The following PABPC1L variants were observed in gnomAD, a reference collection of about 807,000 sequenced individuals.
PABPC1L encodes poly(A) binding protein cytoplasmic 1 like, also known as polyadenylate-binding protein 1-like.
A neutral mutation model predicts 66.6 loss-of-function variants in PABPC1L; 31 were observed. The ratio of observed to expected loss-of-function variants is 0.47; its 90% CI spans 0.35 to 0.63. The LOEUF (loss-of-function observed/expected upper bound fraction) is 0.63. Ranked by LOEUF, PABPC1L falls within the 20% of genes least tolerant of loss-of-function variation. The pLI, the probability that PABPC1L is intolerant of heterozygous loss-of-function variation, is 0.00. For synonymous variants in PABPC1L, 348 were observed against 335.1 expected (o/e 1.04, Z -0.42); for missense variants, 722 against 848.8 (o/e 0.85, Z 1.86).
intron 6 of PABPC1L, 96 bp downstream of exon 6, chr20:44,921,827 T>C (rs1309294891): frequency 6.4e-7 from 1 of 1,561,380 alleles, no homozygotes; most frequent in Non-Finnish European, 8.6e-7. Context: ...TGATCCTACT[T>C]CTGGGCACTT....
At chr20:44,911,275 C>T (rs907340643) in intron 1 of PABPC1L, among the ~76,000 whole-genome samples, 1 of 152,080 alleles carries the variant, frequency 6.6e-6, no homozygotes, top group Non-Finnish European at 1.5e-5. Flanking sequence ...ACCAGCCTGG[C>T]CAACATAGCG....
At position 44,937,859 on chromosome 20, in the gene PABPC1L, C is replaced by T. The variant is rs181740103; in HGVS notation, c.1661-202C>T. On this transcript the variant is annotated intron_variant, in intron 12 of 14. Coordinates refer to ENST00000217073, the MANE Select transcript of PABPC1L (RefSeq NM_001372179.1). ...TCCTGGCTGGGCCCTGGACACATTG[C>T]TGAGATGGGCTGACCACCAATACCA... is the stretch of plus-strand genomic sequence containing the variant. 1.6e-4 allele frequency: 109 copies of T among 668,902 alleles called. No individual in the cohort carries two copies. In the East Asian group the frequency reaches 2.8e-3, roughly 17 times the overall value. 41.4% of individuals were successfully genotyped at this position (668,902 alleles called of 1,614,324 possible).
chr20:44,910,765 G>A (rs2066698849), intron 1 of PABPC1L, among the ~76,000 whole-genome samples: 1 of 152,198 alleles, frequency 6.6e-6, no homozygotes, highest in Non-Finnish European at 1.5e-5. Context: ...GATGCCCAAG[G>A]CAACACAGCT....
At chr20:44,929,744 G>A (rs2066836930) in intron 7 of PABPC1L, among the ~76,000 whole-genome samples, 1 of 150,696 alleles carries the variant, frequency 6.6e-6, no homozygotes, top group African/African-American at 2.5e-5. Context: ...GCAGTTAGCC[G>A]AGATCGTGCC....
intron 7 of PABPC1L, among the ~76,000 whole-genome samples, chr20:44,927,495 C>T (rs2066818217): frequency 6.6e-6 from 1 of 151,830 alleles, no homozygotes; most frequent in African/African-American, 2.4e-5. Flanking sequence ...TTACAGGCGC[C>T]TCTCACCATG....
chr20:44,937,274 C>A (rs1422906126), intron 12 of PABPC1L: 1 of 305,376 alleles, frequency 3.3e-6, no homozygotes, highest in Non-Finnish European at 6.5e-6. Context: ...TGAACACAAG[C>A]TTGTTCCTGG....
At chr20:44,922,229 C>A (rs1044532338) in intron 6 of PABPC1L, among the ~76,000 whole-genome samples, 12 of 151,952 alleles carry the variant, frequency 7.9e-5, no homozygotes, top group African/African-American at 2.7e-4. Context: ...GGAAGTGAAC[C>A]CCTCTAAGAT....
intron 13 of PABPC1L, 22 bp from the exon 14 acceptor site, chr20:44,938,652 C>T (rs2066920191): frequency 1.9e-6 from 3 of 1,591,418 alleles, no homozygotes; most frequent in East Asian, 2.3e-5. Context: ...CACTAAGCCC[C>T]CCCGCCACTC....
chr20:44,933,376 A>G (rs1400065261), intron 10 of PABPC1L, among the ~76,000 whole-genome samples, 191 bp downstream of exon 10: 3 of 152,190 alleles, frequency 2.0e-5, no homozygotes, highest in East Asian at 1.9e-4. Context: ...GCTGACTACT[A>G]TATCTGTCAC....
At chr20:44,931,050 CTTCCCT>C (rs2066852680) in intron 8 of PABPC1L, among the ~76,000 whole-genome samples, 1 of 13,546 alleles carries the variant, frequency 7.4e-5, no homozygotes, top group Non-Finnish European at 1.8e-4. Context: ...CCTCCCTTCC[CTTCCCT>C]TCCCTTCCCT....
intron 10 of PABPC1L, 23 bp from the exon 11 acceptor site, chr20:44,935,368 T>TTTTGTTTTG: frequency 6.3e-7 from 1 of 1,590,662 alleles, no homozygotes; most frequent in South Asian, 1.1e-5. Flanking sequence ...GCTTTTTTTG[T>TTTTGTTTTG]TTTGTTTTGT....
rs141873059 is a variant in PABPC1L, at chr20:44,935,312, G to T, written c.1460-79G>T. 4.4e-4 allele frequency: 452 copies of T among 1,016,390 alleles called. 1 individual carries two copies. The African/African-American group carries it at 6.6e-3, about 15-fold the overall frequency. 63.0% of individuals were successfully genotyped at this position (1,016,390 alleles called of 1,614,324 possible). The stretch of plus-strand genomic sequence containing the variant: ...AACGCTTGTTATTTTCTGTTTTGGT[G>T]TTGTTTTGTTTTGTTTTGTTTTTGG... On this transcript the variant is annotated intron_variant, in intron 10 of 14. Coordinates refer to ENST00000217073, the MANE Select transcript of PABPC1L (RefSeq NM_001372179.1).
intron 6 of PABPC1L, among the ~76,000 whole-genome samples, chr20:44,922,389 C>T (rs918155024): frequency 6.6e-6 from 1 of 152,138 alleles, no homozygotes; most frequent in Non-Finnish European, 1.5e-5. Flanking sequence ...AGGTGCGTGC[C>T]ACCATGCCCG....
At position 44,932,402 on chromosome 20, in the gene PABPC1L, A is replaced by G. The variant is rs2066867512; in HGVS notation, c.1300A>G (p.Arg434Gly). 6.2e-7 allele frequency: 1 copy of G among 1,613,554 alleles called. No individual in the cohort carries two copies. Among genetic ancestry groups the G allele is most frequent in the South Asian group, 1.1e-5 (1 of 91,012 alleles). The change falls in exon 9 of 15, where the codon AGG becomes GGG. Residue 434 changes from arginine (R) to glycine (G), a missense_variant. Arg to Gly is a moderately radical substitution (Grantham distance 125). This residue lies in a region of PABPC1L where 301 missense variants were observed against 337.2 expected (regional missense o/e 0.89). Coordinates refer to ENST00000217073, the MANE Select transcript of PABPC1L (RefSeq NM_001372179.1). ...AGTGACACCCACCCAGCCTGCCCCC[A>G]GGTGGACATCCCAGCCACCTAGACC... The part of the protein sequence containing the change: ...GPVTPTQPAP[R>G]WTSQPPRPSS...
chr20:44,921,545 G>A, intron 5 of PABPC1L, 49 bp from the exon 6 acceptor site: 1 of 1,602,788 alleles, frequency 6.2e-7, no homozygotes, highest in Non-Finnish European at 8.5e-7. Flanking sequence ...GCCTGGGCCA[G>A]GGCCACATCT....
chr20:44,939,131 G>A lies in PABPC1L; in HGVS notation c.*12G>A, dbSNP rs1409510424. 11 of 717,844 alleles carry A rather than the reference G, an allele frequency of 1.5e-5. No individual in the cohort carries two copies. The highest frequency in any genetic ancestry group is 5.2e-5 in the African/African-American group (3 of 57,266). The allele number at this position is 717,844 out of a possible 1,614,324, so 44.5% of individuals were successfully genotyped here. ...TTTTACCTTTTTGTCCTCAGAAAAG[G>A]AAATCCTCGCTTCCATGGCTGCCAA... On this transcript the variant is annotated 3_prime_UTR_variant, in exon 15 of 15. Transcript: ENST00000217073.
intron 7 of PABPC1L, among the ~76,000 whole-genome samples, chr20:44,930,099 G>T (rs1367406654): frequency 1.3e-5 from 2 of 152,134 alleles, no homozygotes; most frequent in African/African-American, 2.4e-5. Context: ...GCATCGGGAG[G>T]TTGTACATGT....
chr20:44,932,333 CCCATGCAGCCT>C lies in PABPC1L; in HGVS notation c.1240-5_1245del. The C allele has an allele frequency of 6.2e-7, 1 of 1,600,686 alleles. No individual in the cohort carries two copies. Among genetic ancestry groups the C allele is most frequent in the Non-Finnish European group, 8.5e-7 (1 of 1,170,864 alleles). On this transcript the variant is annotated splice_acceptor_variant and splice_polypyrimidine_tract_variant and coding_sequence_variant and intron_variant, in exon 9 of 15. Coordinates refer to ENST00000217073, the MANE Select transcript of PABPC1L (RefSeq NM_001372179.1). LOFTEE classifies it high-confidence loss of function. ...AGCCCCTCAGTCTGGGTCTTCTTTT[CCCATGCAGCCT>C]CCAGCCCAGGCTGCATACTATGGCT...
chr20:44,926,394 T>C (rs1488065306), intron 7 of PABPC1L, among the ~76,000 whole-genome samples: 1 of 151,312 alleles, frequency 6.6e-6, no homozygotes, highest in East Asian at 1.9e-4. Context: ...GCCCAGCTAA[T>C]TTTTGTATTT....
Sources: gnomAD v4.1 joint callset for allele counts (sites outside exome capture counted in the v4.1 genomes callset) on GRCh38, gnomAD v4.1.1 for gene constraint, gnomAD v4.1.1 regional missense constraint, MANE v1.5 for transcripts, NCBI Gene and HGNC (gene_info 2026-07-23, HGNC 2026-07-21) for gene names.